Variants in BOC observed in about 807,000 individuals in gnomAD.
BOC encodes BOC cell adhesion associated, oncogene regulated, also known as brother of CDO.
In BOC, 76 loss-of-function variants were observed where a neutral mutation model predicts 112.0. The observed-to-expected ratio is 0.68, with a 90% CI of 0.56 to 0.82. The LOEUF (loss-of-function observed/expected upper bound fraction) is 0.82, where lower values mean the gene tolerates loss of function less well. Among genes scored for constraint, BOC ranks in the 40% least tolerant of loss-of-function variants. BOC has a pLI of 0.00. For synonymous variants in BOC, 580 were observed against 599.8 expected (o/e 0.97, Z 0.48); for missense variants, 1,309 against 1,511.7 (o/e 0.87, Z 2.22).
At chr3:113,219,094 GT>G (rs1940059646) in intron 2 of BOC, among the ~76,000 whole-genome samples, 1 of 152,248 alleles carries the variant, frequency 6.6e-6, no homozygotes, top group African/African-American at 2.4e-5. Flanking sequence ...ATGAAGCCTT[GT>G]GTTTATGTGG....
chr3:113,282,812 G>A (rs949818910), intron 15 of BOC, among the ~76,000 whole-genome samples: 3 of 152,076 alleles, frequency 2.0e-5, no homozygotes, highest in Admixed American at 1.3e-4. Flanking sequence ...TCCGAAAGCC[G>A]GGGGAGAAGA....
Position 113,281,019 on chromosome 3 carries a change from T to C in BOC, c.2312-12T>C. The stretch of plus-strand genomic sequence containing the variant: ...ACATTGCCATGCACCATTCTCTGAC[T>C]CTGTTTCCCAGGGGACAAGTACTGG... On this transcript the variant is annotated splice_polypyrimidine_tract_variant and intron_variant, in intron 14 of 19. Transcript: ENST00000682979. The C allele has an allele frequency of 6.2e-7, 1 of 1,613,714 alleles. No homozygotes were observed. The highest frequency in any genetic ancestry group is 8.5e-7 in the Non-Finnish European group (1 of 1,179,952).
intron 4 of BOC, among the ~76,000 whole-genome samples, chr3:113,253,867 T>G (rs1254528907): frequency 2.6e-5 from 4 of 152,212 alleles, no homozygotes; most frequent in Non-Finnish European, 5.9e-5. Context: ...GCAGCACTGC[T>G]CATTCAACAG....
intron 4 of BOC, among the ~76,000 whole-genome samples, chr3:113,261,495 G>A (rs1297832245): frequency 6.6e-6 from 1 of 152,186 alleles, no homozygotes; most frequent in Non-Finnish European, 1.5e-5. Context: ...CGGCCCTGAA[G>A]TCGGGTAGAT....
chr3:113,284,224 A>G (rs1949462328), intron 16 of BOC, 111 bp from the exon 17 acceptor site: 2 of 859,630 alleles, frequency 2.3e-6, no homozygotes, highest in East Asian at 4.9e-5. Flanking sequence ...CTCCCTGCCT[A>G]CGTCCTTCAA....
chr3:113,287,213 G>A lies in BOC; in HGVS notation c.*351G>A. The A allele has an allele frequency of 2.6e-6, 1 of 380,236 alleles. No homozygotes were observed. The highest frequency in any genetic ancestry group is 5.1e-6 in the Non-Finnish European group (1 of 197,216). The allele number at this position is 380,236 out of a possible 1,614,324, so 23.6% of individuals were successfully genotyped here. A position where few individuals can be genotyped will look rare whatever the true frequency, so the allele number is the denominator to read the frequency against. ...CAAGAGGAAGGATCCCAGGCACATG[G>A]TTCATCACGAGCATGAGGGAACAGC... On this transcript the variant is annotated 3_prime_UTR_variant, in exon 20 of 20. Coordinates refer to ENST00000682979, the MANE Select transcript of BOC (RefSeq NM_001378074.1).
intron 6 of BOC, 67 bp downstream of exon 6, chr3:113,271,011 GGGA>G: frequency 6.2e-7 from 1 of 1,606,684 alleles, no homozygotes; most frequent in Non-Finnish European, 8.5e-7. Flanking sequence ...AAGATGGAAA[GGGA>G]GGTAGATACC....
intron 2 of BOC, among the ~76,000 whole-genome samples, chr3:113,231,185 A>G (rs763455212): frequency 7.2e-5 from 11 of 152,196 alleles, no homozygotes; most frequent in Non-Finnish European, 1.5e-4. Context: ...TGGCATGAGA[A>G]TATTTGGAGA....
chr3:113,217,272 T>C (rs944646882), intron 2 of BOC, among the ~76,000 whole-genome samples: 1 of 152,156 alleles, frequency 6.6e-6, no homozygotes, highest in Non-Finnish European at 1.5e-5. Context: ...TCGCAACACT[T>C]TGGGAGGCCA....
intron 7 of BOC, 127 bp downstream of exon 7, chr3:113,272,830 A>G: frequency 8.2e-7 from 1 of 1,226,968 alleles, no homozygotes; most frequent in South Asian, 1.5e-5. Flanking sequence ...AGTGAGGAAC[A>G]GGCATGCTGA....
intron 2 of BOC, among the ~76,000 whole-genome samples, chr3:113,225,697 AAAG>A (rs1456132004): frequency 1.3e-5 from 2 of 152,252 alleles, no homozygotes; most frequent in East Asian, 3.8e-4. Flanking sequence ...CTCTTCAGAG[AAAG>A]AAGTACACTC....
Position 113,283,491 on chromosome 3 carries a change from G to C in BOC, c.2515G>C (p.Glu839Gln), listed in dbSNP as rs746781627. 2.5e-6 allele frequency: 4 copies of C among 1,614,034 alleles called. No individual in the cohort carries two copies. Among genetic ancestry groups the C allele is most frequent in the Non-Finnish European group, 1.7e-6 (2 of 1,180,012 alleles). Reference protein sequence around the residue: ...PPQPPLPETIERPVGTGAMVA... With the variant: ...PPQPPLPETIQRPVGTGAMVA... ...ACAGCCGCCCCTTCCTGAAACCATAGAGCGGCCGGTGGGCACTGGGGCCAT... is the reference window on the plus strand; with the variant it reads ...ACAGCCGCCCCTTCCTGAAACCATACAGCGGCCGGTGGGCACTGGGGCCAT... The change falls in exon 16 of 20, where the codon GAG becomes CAG. Residue 839 changes from glutamate (E) to glutamine (Q), a missense_variant. Transcript: ENST00000682979.
intron 2 of BOC, among the ~76,000 whole-genome samples, chr3:113,240,727 T>C (rs1021017143): frequency 1.3e-5 from 2 of 152,170 alleles, no homozygotes; most frequent in Non-Finnish European, 2.9e-5. Flanking sequence ...CATATCTTGG[T>C]TATGAATTTT....
At chr3:113,227,735 T>C (rs935991823) in intron 2 of BOC, among the ~76,000 whole-genome samples, 1 of 152,126 alleles carries the variant, frequency 6.6e-6, no homozygotes, top group Admixed American at 6.5e-5. Context: ...AAAACAAGTG[T>C]TTTATTTTGT....
intron 16 of BOC, 32 bp downstream of exon 16, chr3:113,283,664 C>CTGGG: frequency 6.3e-7 from 1 of 1,596,738 alleles, no homozygotes; most frequent in Non-Finnish European, 8.6e-7. Context: ...TGGGAGGATC[C>CTGGG]TGGGTGGGAA....
At chr3:113,266,130 G>A (rs754452788) in intron 4 of BOC, among the ~76,000 whole-genome samples, 25 of 152,310 alleles carry the variant, frequency 1.6e-4, no homozygotes, top group African/African-American at 5.5e-4. Context: ...GCCTTGACCC[G>A]CAGGCATCAT....
intron 4 of BOC, among the ~76,000 whole-genome samples, chr3:113,258,701 A>C (rs73235151): frequency 0.16 from 24,222 of 152,254 alleles, 2,275 homozygotes; most frequent in South Asian, 0.24. Context: ...GGAGATTTGC[A>C]GCTGGGGCAG....
At chr3:113,228,682 G>T (rs758632771) in intron 2 of BOC, among the ~76,000 whole-genome samples, 2 of 152,152 alleles carry the variant, frequency 1.3e-5, no homozygotes, top group Non-Finnish European at 2.9e-5. Flanking sequence ...CCTGTCTCTG[G>T]AGTGCACTGC....
chr3:113,249,898 G>T lies in BOC; in HGVS notation c.96G>T (p.Leu32Phe). 6.2e-7 allele frequency: 1 copy of T among 1,613,094 alleles called. No homozygotes were observed. The highest frequency in any genetic ancestry group is 1.1e-5 in the South Asian group (1 of 90,964). Residue 32 changes from leucine (L) to phenylalanine (F), a missense_variant and splice_region_variant, in exon 3 of 20, where the codon TTG becomes TTT. Physicochemically the swap from Leu to Phe is conservative, Grantham distance 22. Coordinates refer to ENST00000682979, the MANE Select transcript of BOC (RefSeq NM_001378074.1). ...CCACAGCAGGCTGCTTTGCTGACTT[G>T]AGTGAGTGCTTTCCTTCCCTTTCCC... ...LLATAGCFADLNEVPQVTVQP... is the reference protein window; with the variant it reads ...LLATAGCFADFNEVPQVTVQP...
Sources: allele counts gnomAD v4.1 joint callset (sites outside exome capture counted in the v4.1 genomes callset), GRCh38; gene constraint gnomAD v4.1.1; transcripts MANE v1.5; gene names NCBI Gene and HGNC (gene_info 2026-07-23, HGNC 2026-07-21).